The following ARHGAP32 variants were observed in gnomAD, a reference collection of about 807,000 sequenced individuals.
ARHGAP32 encodes Rho GTPase activating protein 32.
A neutral mutation model predicts 186.5 loss-of-function variants in ARHGAP32; 51 were observed. The observed-to-expected ratio is 0.27, with a 90% confidence interval of 0.22 to 0.35. The LOEUF (loss-of-function observed/expected upper bound fraction) is 0.35, where lower values mean the gene tolerates loss of function less well. Among genes scored for constraint, ARHGAP32 ranks in the 10% least tolerant of loss-of-function variants. The pLI is 1.00. For synonymous variants in ARHGAP32, 950 were observed against 964.3 expected (o/e 0.99, Z 0.27); for missense variants, 2,186 against 2,623.5 (o/e 0.83, Z 3.64).
chr11:129,051,951 C>A (rs1940064225), intron 10 of ARHGAP32, among the ~76,000 whole-genome samples: 2 of 46,582 alleles, frequency 4.3e-5, no homozygotes, highest in South Asian at 8.0e-4. Context: ...AAGATTCTGT[C>A]TCAAAAAAAA....
At chr11:129,009,667 T>C (rs1937971800) in intron 11 of ARHGAP32, among the ~76,000 whole-genome samples, 1 of 152,226 alleles carries the variant, frequency 6.6e-6, no homozygotes, top group Non-Finnish European at 1.5e-5. Context: ...GGACATAATC[T>C]TGTTCCTTTT....
At chr11:129,021,352 T>C (rs1274226456) in intron 11 of ARHGAP32, among the ~76,000 whole-genome samples, 1 of 152,074 alleles carries the variant, frequency 6.6e-6, no homozygotes, top group African/African-American at 2.4e-5. Flanking sequence ...ACAACTCATG[T>C]TGAATGGCAT....
At chr11:129,242,969 A>C (rs1484455321) in intron 1 of ARHGAP32, among the ~76,000 whole-genome samples, 4 of 152,120 alleles carry the variant, frequency 2.6e-5, no homozygotes, top group Non-Finnish European at 5.9e-5. Context: ...CATCCACTTC[A>C]ATGGCTTCAT....
intron 21 of ARHGAP32, 31 bp from the exon 22 acceptor site, chr11:128,973,463 T>A: frequency 6.2e-7 from 1 of 1,605,262 alleles, no homozygotes; most frequent in Non-Finnish European, 8.5e-7. Flanking sequence ...AAAATGAGAG[T>A]GAAAAGGTAG....
intron 2 of ARHGAP32, among the ~76,000 whole-genome samples, chr11:129,133,237 A>T (rs1457800357): frequency 6.6e-6 from 1 of 152,220 alleles, no homozygotes; most frequent in Admixed American, 6.5e-5. Context: ...TAATTTTTTT[A>T]AAAGACTGAC....
At chr11:129,206,528 T>C (rs1944516105) in intron 1 of ARHGAP32, among the ~76,000 whole-genome samples, 1 of 152,210 alleles carries the variant, frequency 6.6e-6, no homozygotes, top group African/African-American at 2.4e-5. Flanking sequence ...TTTTTTCTTT[T>C]TTTAAATAGC....
In ARHGAP32 at chr11:128,974,402, C is replaced by CCCA. The variant is rs763396131; in HGVS notation, c.2794_2795insTGG (p.Arg932delinsLeuGly). The CCCA allele has an allele frequency of 1.9e-6, 3 of 1,614,000 alleles. No homozygotes were observed. Among genetic ancestry groups the CCCA allele is most frequent in the Non-Finnish European group, 2.5e-6 (3 of 1,179,998 alleles). Reference sequence around the variant, plus strand: ...GACTGTACCAATGACTTCTGACACCCGTGGTGGTAGGGTCACTGAAATTGG... The same window carrying CCCA: ...GACTGTACCAATGACTTCTGACACCCCCAGTGGTGGTAGGGTCACTGAAATTGG... On this transcript the variant is annotated protein_altering_variant, in exon 21 of 23. Transcript: ENST00000682385.
At chr11:129,267,783 T>TTA (rs1945423328) in intron 1 of ARHGAP32, among the ~76,000 whole-genome samples, 1 of 152,174 alleles carries the variant, frequency 6.6e-6, no homozygotes, top group Non-Finnish European at 1.5e-5. Context: ...AGCTGGAAGG[T>TTA]TAGGCATCTG....
intron 10 of ARHGAP32, among the ~76,000 whole-genome samples, chr11:129,050,605 A>G (rs528339146): frequency 6.6e-6 from 1 of 152,338 alleles, no homozygotes; most frequent in South Asian, 2.1e-4. Context: ...GTACTAGTAA[A>G]TATGACTTCC....
At chr11:129,211,133 T>C (rs2197142) in intron 1 of ARHGAP32, among the ~76,000 whole-genome samples, 3,093 of 152,114 alleles carry the variant, frequency 0.02, 58 homozygotes, top group African/African-American at 0.045. Flanking sequence ...TAAAATCCTA[T>C]ATTTACTGTA....
At chr11:129,039,149 C>A (rs371760383) in intron 11 of ARHGAP32, among the ~76,000 whole-genome samples, 2 of 152,216 alleles carry the variant, frequency 1.3e-5, no homozygotes, top group East Asian at 3.9e-4. Context: ...GGTGGAACTG[C>A]AAAATGGTAC....
At chr11:129,262,006 TA>T in intron 1 of ARHGAP32, among the ~76,000 whole-genome samples, 1 of 152,218 alleles carries the variant, frequency 6.6e-6, no homozygotes, top group East Asian at 1.9e-4. Flanking sequence ...GGTGGAGTTT[TA>T]TATACACAGG....
At chr11:129,004,673 G>A (rs1023336880) in intron 11 of ARHGAP32, among the ~76,000 whole-genome samples, 2 of 151,916 alleles carry the variant, frequency 1.3e-5, no homozygotes, top group Non-Finnish European at 2.9e-5. Flanking sequence ...TTTGTCTTAT[G>A]TAAGTATAGC....
At chr11:129,155,573 T>C (rs941885612) in intron 2 of ARHGAP32, among the ~76,000 whole-genome samples, 2 of 152,058 alleles carry the variant, frequency 1.3e-5, no homozygotes, top group East Asian at 1.9e-4. Flanking sequence ...AATTTCTTCA[T>C]AAAAAATAAC....
chr11:129,048,658 G>C (rs1375793935), intron 10 of ARHGAP32, among the ~76,000 whole-genome samples: 1 of 152,174 alleles, frequency 6.6e-6, no homozygotes, highest in Non-Finnish European at 1.5e-5. Context: ...GGGAGGAACA[G>C]TGGAATGATA....
intron 1 of ARHGAP32, among the ~76,000 whole-genome samples, chr11:129,166,009 TAA>T (rs1943632352): frequency 6.6e-6 from 1 of 151,762 alleles, no homozygotes; most frequent in Non-Finnish European, 1.5e-5. Flanking sequence ...AAGTAAAAAA[TAA>T]GAGAGAAATG....
chr11:128,969,314 C>G lies in ARHGAP32; in HGVS notation c.5899G>C (p.Val1967Leu). ...RLSKEMERPW[V>L]RQPSAPEKHS... ...TTCTCTGGGGCAGAAGGCTGCCTAA[C>G]CCAGGGTCGCTCCATCTCTTTGGAG... Residue 1967 changes from valine (V) to leucine (L), a missense_variant, in exon 23 of 23, where the codon GTT becomes CTT. Transcript: ENST00000682385. The surrounding 1 kb of genome is among the most constrained non-coding windows in gnomAD (Gnocchi z 4.8). 6.2e-7 allele frequency: 1 copy of G among 1,614,244 alleles called. No individual in the cohort carries two copies. Among genetic ancestry groups the G allele is most frequent in the Non-Finnish European group, 8.5e-7 (1 of 1,180,046 alleles).
chr11:129,035,841 C>CAAAAAAAGAA (rs1939310580), intron 11 of ARHGAP32, among the ~76,000 whole-genome samples: 1 of 150,222 alleles, frequency 6.7e-6, no homozygotes, highest in South Asian at 2.1e-4. Flanking sequence ...AAGACTCCAT[C>CAAAAAAAGAA]AAAAAAAGAA....
At position 129,143,770 on chromosome 11, in the gene ARHGAP32, G is replaced by A. The variant is rs898193378; in HGVS notation, c.226-18876C>T. Among the ~76,000 whole-genome samples, 9 of 152,286 alleles carry A rather than the reference G, an allele frequency of 5.9e-5. 1 individual carries two copies. The East Asian group carries it at 1.3e-3, about 23-fold the overall frequency. On this transcript the variant is annotated intron_variant, in intron 2 of 22. Transcript: ENST00000682385. Reference sequence around the variant, plus strand: ...GGCTGCTGAGATCTACAGGAAGAATGAACCTTCTATCCATGAAACTGTGAA... The same window carrying A: ...GGCTGCTGAGATCTACAGGAAGAATAAACCTTCTATCCATGAAACTGTGAA...
Sources: allele counts gnomAD v4.1 joint callset (sites outside exome capture counted in the v4.1 genomes callset), GRCh38; gene constraint gnomAD v4.1.1; non-coding constraint Gnocchi (gnomAD v3.1); transcripts MANE v1.5; gene names NCBI Gene and HGNC (gene_info 2026-07-23, HGNC 2026-07-21).